The following TFCP2 variants were observed in gnomAD, a reference collection of about 807,000 sequenced individuals.
The protein encoded by TFCP2 is transcription factor CP2, also known as alpha-globin transcription factor CP2.
TFCP2 carries 33 observed loss-of-function variants against 73.4 expected under a neutral mutation model. The observed-to-expected ratio is 0.45, with a 90% CI of 0.34 to 0.60. The LOEUF (loss-of-function observed/expected upper bound fraction) is 0.60, where lower values mean the gene tolerates loss of function less well. Among genes scored for constraint, TFCP2 ranks in the 20% least tolerant of loss-of-function variants. The pLI is 0.01. For missense variants in TFCP2, 352 were observed against 604.0 expected (o/e 0.58, Z 4.37); for synonymous variants, 193 against 211.6 (o/e 0.91, Z 0.76).
In TFCP2 at chr12:51,169,042, T is replaced by C. The variant is rs559832367; in HGVS notation, c.122+3259A>G. 3.2e-4 allele frequency among the ~76,000 whole-genome samples: 48 copies of C among 151,690 alleles called. No homozygotes were observed. The South Asian group carries it at 0.01, about 32-fold the overall frequency. ...GTCTCAAACTCCTGACCTCAGGGGATCCACCCACCTCAGTCTCCCAAAGTG... is the reference window on the plus strand; with the variant it reads ...GTCTCAAACTCCTGACCTCAGGGGACCCACCCACCTCAGTCTCCCAAAGTG... On this transcript the variant is annotated intron_variant, in intron 1 of 14. Coordinates refer to ENST00000257915, the MANE Select transcript of TFCP2 (RefSeq NM_005653.5).
At chr12:51,098,654 C>A in intron 13 of TFCP2, 122 bp downstream of exon 13, 1 of 1,194,232 alleles carries the variant, frequency 8.4e-7, no homozygotes, top group Admixed American at 2.7e-5. Context: ...GGAAAGCAAG[C>A]AAAAAAGTAT....
At chr12:51,147,141 G>A (rs763266810) in intron 1 of TFCP2, among the ~76,000 whole-genome samples, 2 of 152,114 alleles carry the variant, frequency 1.3e-5, no homozygotes, top group Non-Finnish European at 2.9e-5. Flanking sequence ...TCGGAAGTGC[G>A]AGACCAGCCT....
chr12:51,128,731 TAA>T (rs1337430099), intron 1 of TFCP2, among the ~76,000 whole-genome samples: 1 of 152,178 alleles, frequency 6.6e-6, no homozygotes, highest in African/African-American at 2.4e-5. Context: ...AGAGTGCAGA[TAA>T]ATCTGGAAGA....
chr12:51,169,506 GAA>G (rs1156270636), intron 1 of TFCP2, among the ~76,000 whole-genome samples: 4 of 121,890 alleles, frequency 3.3e-5, no homozygotes, highest in Non-Finnish European at 5.4e-5. Flanking sequence ...ATCTCAAAAA[GAA>G]AAAAAAAAAG....
chr12:51,151,706 G>A (rs1378472712), intron 1 of TFCP2, among the ~76,000 whole-genome samples: 2 of 152,176 alleles, frequency 1.3e-5, no homozygotes, highest in African/African-American at 2.4e-5. Flanking sequence ...AAAGTGCTGG[G>A]ATTACAGGCG....
intron 10 of TFCP2, among the ~76,000 whole-genome samples, chr12:51,102,633 G>C (rs1426241747): frequency 6.6e-6 from 1 of 152,124 alleles, no homozygotes; most frequent in East Asian, 1.9e-4. Context: ...GCTGAGGCAG[G>C]AGAATCGCTT....
At chr12:51,117,268 A>C (rs542463882) in intron 3 of TFCP2, among the ~76,000 whole-genome samples, 1 of 152,130 alleles carries the variant, frequency 6.6e-6, no homozygotes, top group African/African-American at 2.4e-5. Flanking sequence ...TCAAAATCCT[A>C]ACTGTTAATC....
In TFCP2 at chr12:51,095,269, T is replaced by C. The variant is rs375189420; in HGVS notation, c.1481A>G (p.Asn494Ser). 5.6e-6 allele frequency: 9 copies of C among 1,613,790 alleles called. No individual in the cohort carries two copies. Among genetic ancestry groups the C allele is most frequent in the East Asian group, 4.5e-5 (2 of 44,890 alleles). ...CTTCAGTATGATATGATAGCTATCA[T>C]TGGTTTCTGCTGTTAAAAAAAAGAG... ...FILDTMKAET[N>S]DSYHIILK The change falls in exon 15 of 15, where the codon AAT becomes AGT. Residue 494 changes from asparagine (N) to serine (S), a missense_variant. This residue lies in a region of TFCP2 where 194 missense variants were observed against 256.3 expected (regional missense o/e 0.76). Coordinates refer to ENST00000257915, the MANE Select transcript of TFCP2 (RefSeq NM_005653.5).
At chr12:51,154,063 C>A (rs1941486725) in intron 1 of TFCP2, among the ~76,000 whole-genome samples, 1 of 152,086 alleles carries the variant, frequency 6.6e-6, no homozygotes, top group African/African-American at 2.4e-5. Context: ...TACTAGCAGC[C>A]ATCCTAAAGG....
intron 1 of TFCP2, among the ~76,000 whole-genome samples, chr12:51,147,593 T>C (rs1020404157): frequency 9.2e-5 from 14 of 152,004 alleles, no homozygotes; most frequent in Non-Finnish European, 1.5e-5. Context: ...AAGCCACATG[T>C]AGGAGAATGA....
chr12:51,119,067 G>A (rs901702815), intron 1 of TFCP2, among the ~76,000 whole-genome samples: 12 of 152,206 alleles, frequency 7.9e-5, no homozygotes, highest in African/African-American at 2.9e-4. Context: ...GTTCTAAAAT[G>A]TATAAATCTA....
chr12:51,165,223 A>G (rs1941731575), intron 1 of TFCP2, among the ~76,000 whole-genome samples: 1 of 152,118 alleles, frequency 6.6e-6, no homozygotes, highest in Admixed American at 6.6e-5. Context: ...ACTATAAACC[A>G]ATATCCCATA....
intron 1 of TFCP2, among the ~76,000 whole-genome samples, chr12:51,156,347 G>T (rs560452220): frequency 2.2e-4 from 34 of 152,056 alleles, no homozygotes; most frequent in African/African-American, 6.7e-4. Context: ...GAAGCAAGGG[G>T]GGGGGAGGTG....
chr12:51,166,931 A>G (rs1941769219), intron 1 of TFCP2, among the ~76,000 whole-genome samples: 1 of 152,142 alleles, frequency 6.6e-6, no homozygotes, highest in Non-Finnish European at 1.5e-5. Flanking sequence ...ATTTTAGAAC[A>G]TTTTTAACAC....
chr12:51,104,476 G>C, intron 8 of TFCP2, among the ~76,000 whole-genome samples: 1 of 151,942 alleles, frequency 6.6e-6, no homozygotes, highest in Non-Finnish European at 1.5e-5. Context: ...AATTGGGACT[G>C]ATGAGATAAA....
At chr12:51,132,817 G>A (rs544542489) in intron 1 of TFCP2, among the ~76,000 whole-genome samples, 83 of 152,250 alleles carry the variant, frequency 5.5e-4, no homozygotes, top group Middle Eastern at 3.4e-3. Flanking sequence ...CACGGAAAGA[G>A]AGCGAGCTCC....
At chr12:51,101,645 A>G (rs2136962036) in intron 11 of TFCP2, among the ~76,000 whole-genome samples, 1 of 152,314 alleles carries the variant, frequency 6.6e-6, no homozygotes, top group East Asian at 1.9e-4. Context: ...TTTGCTCACC[A>G]ATATATTAAT....
chr12:51,169,648 G>A (rs925221660), intron 1 of TFCP2, among the ~76,000 whole-genome samples: 10 of 152,112 alleles, frequency 6.6e-5, no homozygotes, highest in Admixed American at 3.3e-4. Context: ...ACTTGAGCCC[G>A]GGAGATGGAA....
intron 14 of TFCP2, among the ~76,000 whole-genome samples, chr12:51,095,623 T>C (rs1277847788): frequency 1.3e-5 from 2 of 151,886 alleles, no homozygotes; most frequent in African/African-American, 4.8e-5. Context: ...GAGACCAGCC[T>C]GGCCAACAAG....
Sources: gnomAD v4.1 joint callset for allele counts (sites outside exome capture counted in the v4.1 genomes callset) on GRCh38, gnomAD v4.1.1 for gene constraint, gnomAD v4.1.1 regional missense constraint, MANE v1.5 for transcripts, NCBI Gene and HGNC (gene_info 2026-07-23, HGNC 2026-07-21) for gene names.